Variants in IRF6 observed in about 807,000 individuals in gnomAD.
IRF6 encodes Van der Woude syndrome.
IRF6 carries 6 observed loss-of-function variants against 51.4 expected under a neutral mutation model. The observed-to-expected ratio is 0.12, with a 90% CI of 0.06 to 0.23. IRF6 has a LOEUF of 0.23. Ranked by LOEUF, IRF6 falls within the 10% of genes least tolerant of loss-of-function variation. IRF6 has a pLI of 1.00. For missense variants in IRF6, 348 were observed against 585.2 expected (o/e 0.59, Z 4.18); for synonymous variants, 178 against 215.7 (o/e 0.83, Z 1.53).
chr1:209,789,603 A>C, intron 8 of IRF6, 64 bp downstream of exon 8: 1 of 1,191,274 alleles, frequency 8.4e-7, no homozygotes, highest in African/African-American at 1.5e-5. Flanking sequence ...GGCTCAACCC[A>C]GACCTGGGGG....
Position 209,788,141 on chromosome 1 carries a change from A to G in IRF6, c.*279T>C, listed in dbSNP as rs191645857. The G allele has an allele frequency of 1.8e-3, 831 of 459,168 alleles. 5 individuals are homozygous for G. Among genetic ancestry groups the G allele is most frequent in the Non-Finnish European group, 2.7e-3 (671 of 252,650 alleles). The allele number at this position is 459,168 out of a possible 1,614,324, so 28.4% of individuals were successfully genotyped here. A position where few individuals can be genotyped will look rare whatever the true frequency, so the allele number is the denominator to read the frequency against. On this transcript the variant is annotated 3_prime_UTR_variant, in exon 9 of 9. Transcript: ENST00000367021. ...TTGTTCAAGGTCACATTGGAAGCAA[A>G]GCTGCAGCTAGAACTTTGGTGTCCA...
chr1:209,805,512 GCTCCTGGCCACCCTCA>G (rs1395180305), intron 1 of IRF6, among the ~76,000 whole-genome samples: 1 of 152,210 alleles, frequency 6.6e-6, no homozygotes, highest in Admixed American at 6.5e-5. Context: ...ATGCTCCAAA[GCTCCTGGCCACCCTCA>G]CTCCAGTTTC....
intron 6 of IRF6, chr1:209,791,128 C>G (rs368571235): frequency 3.3e-4 from 279 of 837,762 alleles, no homozygotes; most frequent in Non-Finnish European, 4.0e-4. Context: ...TCAATCACCA[C>G]ACCCCAAAGG....
chr1:209,796,641 A>G lies in IRF6; in HGVS notation c.175-89T>C. On this transcript the variant is annotated intron_variant, in intron 3 of 8. Coordinates refer to ENST00000367021, the MANE Select transcript of IRF6 (RefSeq NM_006147.4). This position sits in a 1 kb window ranked among gnomAD's most constrained non-coding sequence, Gnocchi z 4.5. ...CCCTTTCTCATAGACACAAACACAC[A>G]CACACACACACACACACACACACAC... 1.6e-6 allele frequency: 1 copy of G among 644,706 alleles called. No homozygotes were observed. The highest frequency in any genetic ancestry group is 1.9e-5 in the South Asian group (1 of 53,998). The allele number at this position is 644,706 out of a possible 1,614,324, so 39.9% of individuals were successfully genotyped here. A position where few individuals can be genotyped will look rare whatever the true frequency, so the allele number is the denominator to read the frequency against.
chr1:209,798,966 G>T (rs2077922872), intron 3 of IRF6, among the ~76,000 whole-genome samples: 1 of 150,964 alleles, frequency 6.6e-6, no homozygotes, highest in Admixed American at 6.6e-5. Context: ...GGAACCATGT[G>T]GCAATCATTG....
intron 8 of IRF6, 129 bp from the exon 9 acceptor site, chr1:209,788,773 G>A (rs535796384): frequency 8.2e-6 from 6 of 727,772 alleles, no homozygotes; most frequent in Non-Finnish European, 1.2e-5. Flanking sequence ...TCTAAATATA[G>A]GATATGCCTT....
intron 8 of IRF6, 135 bp downstream of exon 8, chr1:209,789,532 T>C: frequency 2.7e-6 from 2 of 752,882 alleles, no homozygotes; most frequent in Non-Finnish European, 4.9e-6. Flanking sequence ...TGCACAAACC[T>C]GAGTCTGTTA....
rs869064277 is a variant in IRF6 at position 209,795,837 on chromosome 1, ATT to A, written c.380-421_380-420del. 3.3e-5 allele frequency among the ~76,000 whole-genome samples: 5 copies of A among 152,130 alleles called. No individual in the cohort carries two copies. The East Asian group carries it at 5.8e-4, about 18-fold the overall frequency. The stretch of plus-strand genomic sequence containing the variant: ...ACAATTATTATTTGTCAATTAAAAA[ATT>A]TTTTTAACAGATCATGTTAATTTTT... On this transcript the variant is annotated intron_variant, in intron 4 of 8. Coordinates refer to ENST00000367021, the MANE Select transcript of IRF6 (RefSeq NM_006147.4).
intron 1 of IRF6, among the ~76,000 whole-genome samples, chr1:209,803,592 T>C (rs975197178): frequency 2.0e-5 from 3 of 152,156 alleles, no homozygotes; most frequent in African/African-American, 7.2e-5. Flanking sequence ...CTCAGCCCCA[T>C]GGAAGGAGCC....
chr1:209,800,312 A>G (rs2077932712), intron 3 of IRF6, among the ~76,000 whole-genome samples: 1 of 152,240 alleles, frequency 6.6e-6, no homozygotes, highest in Non-Finnish European at 1.5e-5. Flanking sequence ...GTAAAATGCT[A>G]TGTGATTAAA....
intron 8 of IRF6, 128 bp downstream of exon 8, chr1:209,789,539 G>A (rs2077856211): frequency 2.6e-6 from 2 of 768,902 alleles, no homozygotes; most frequent in South Asian, 2.8e-5. Context: ...ACCTGAGTCT[G>A]TTACCCCATC....
chr1:209,789,643 G>T, intron 8 of IRF6, 24 bp downstream of exon 8: 1 of 1,542,520 alleles, frequency 6.5e-7, no homozygotes, highest in Non-Finnish European at 9.0e-7. Flanking sequence ...ATGAAGAGTT[G>T]TTGACACAGC....
chr1:209,791,063 A>T (rs2077866210), intron 6 of IRF6, 176 bp from the exon 7 acceptor site: 2 of 985,172 alleles, frequency 2.0e-6, no homozygotes, highest in Non-Finnish European at 2.4e-6. Context: ...TGGAATATTC[A>T]CTCAAAAGGC....
intron 1 of IRF6, among the ~76,000 whole-genome samples, chr1:209,803,419 C>T (rs2077955864): frequency 6.6e-6 from 1 of 152,166 alleles, no homozygotes; most frequent in South Asian, 2.1e-4. Flanking sequence ...TGTAGTTGAT[C>T]CAAATCCCAC....
intron 3 of IRF6, among the ~76,000 whole-genome samples, chr1:209,798,260 C>A (rs541435338): frequency 1.3e-5 from 2 of 152,206 alleles, no homozygotes; most frequent in Non-Finnish European, 1.5e-5. Flanking sequence ...CAACCCCCTA[C>A]GGGAGATTTC....
Position 209,790,625 on chromosome 1 carries a change from G to A in IRF6, c.930C>T (p.Ala310=). Residue 310 remains alanine (A), a synonymous_variant, in exon 7 of 9, where the codon GCC becomes GCT. Transcript: ENST00000367021. The surrounding 1 kb of genome is among the most constrained non-coding windows in gnomAD (Gnocchi z 4.8). The part of the protein sequence containing the change: ...RGLILEVSGH[A]IYAIRLCQCK... ...ACTGGCACAGCCTGATGGCATAAATGGCATGACCGCTGACCTCCAGGATCA... is the reference window on the plus strand; with the variant it reads ...ACTGGCACAGCCTGATGGCATAAATAGCATGACCGCTGACCTCCAGGATCA... 1 of 1,614,244 alleles carries A rather than the reference G, an allele frequency of 6.2e-7. No individual in the cohort carries two copies. Among genetic ancestry groups the A allele is most frequent in the Non-Finnish European group, 8.5e-7 (1 of 1,180,048 alleles).
In IRF6 at chr1:209,796,529, C is replaced by T. The variant is rs1377891985; in HGVS notation, c.198G>A (p.Lys66=). The T allele has an allele frequency of 6.2e-7, 1 of 1,613,104 alleles. No individual in the cohort carries two copies. Among genetic ancestry groups the T allele is most frequent in the Non-Finnish European group, 8.5e-7 (1 of 1,180,010 alleles). ...IFKAWAVETG[K]YQEGVDDPDP... Reference sequence around the variant, plus strand: ...CAGGGTCATCCACCCCTTCCTGGTACTTCCCTGTCTCTACAGCCCAGGCCT... The same window carrying T: ...CAGGGTCATCCACCCCTTCCTGGTATTTCCCTGTCTCTACAGCCCAGGCCT... The change falls in exon 4 of 9, where the codon AAG becomes AAA. Residue 66 remains lysine (K), a synonymous_variant. Coordinates refer to ENST00000367021, the MANE Select transcript of IRF6 (RefSeq NM_006147.4). The surrounding 1 kb of genome is among the most constrained non-coding windows in gnomAD (Gnocchi z 4.5).
At chr1:209,789,814 A>G (rs764143703) in intron 7 of IRF6, 29 bp from the exon 8 acceptor site, 6 of 1,447,888 alleles carry the variant, frequency 4.1e-6, no homozygotes, top group Middle Eastern at 3.5e-4. Flanking sequence ...CAAGTTTGGT[A>G]TACTGGGTCA....
intron 7 of IRF6, 76 bp from the exon 8 acceptor site, chr1:209,789,861 G>C: frequency 1.0e-6 from 1 of 982,098 alleles, no homozygotes. Context: ...CTTTTATGCT[G>C]TCCATTACAA....
Sources: gnomAD v4.1 joint callset for allele counts (sites outside exome capture counted in the v4.1 genomes callset) on GRCh38, gnomAD v4.1.1 for gene constraint, Gnocchi (gnomAD v3.1) non-coding constraint, MANE v1.5 for transcripts, NCBI Gene and HGNC (gene_info 2026-07-23, HGNC 2026-07-21) for gene names.